Variants in CPB1 observed in about 807,000 individuals in gnomAD.
CPB1 encodes carboxypeptidase B.
Under a neutral mutation model 51.4 loss-of-function variants are expected in CPB1, and 53 were observed. The observed-to-expected ratio is 1.03, with a 90% CI of 0.83 to 1.30. The LOEUF (loss-of-function observed/expected upper bound fraction) is 1.30. CPB1 is among the 50% of genes most tolerant of loss of function. The probability of loss-of-function intolerance (pLI) is 0.00; values close to 1 mark genes in which losing one functional copy is unlikely to be tolerated. For synonymous variants in CPB1, 189 were observed against 186.9 expected (o/e 1.01, Z -0.09); for missense variants, 494 against 516.2 (o/e 0.96, Z 0.42).
chr3:148,833,323 G>C (rs1201555292), intron 2 of CPB1, among the ~76,000 whole-genome samples: 1 of 152,076 alleles, frequency 6.6e-6, no homozygotes, highest in Admixed American at 6.6e-5. Flanking sequence ...TTATGGGCCT[G>C]ATTCGTGACT....
chr3:148,841,012 G>A, intron 5 of CPB1, 37 bp downstream of exon 5: 3 of 1,527,438 alleles, frequency 2.0e-6, no homozygotes, highest in Non-Finnish European at 2.7e-6. Context: ...CATGTCTGAG[G>A]GCTTTAAATC....
At position 148,834,620 on chromosome 3, in the gene CPB1, C is replaced by A; in HGVS notation, c.270C>A (p.Tyr90Ter). The A allele has an allele frequency of 6.2e-7, 1 of 1,605,596 alleles. No homozygotes were observed. Among genetic ancestry groups the A allele is most frequent in the Non-Finnish European group, 8.5e-7 (1 of 1,173,362 alleles). Reference sequence around the variant, plus strand: ...TTCTAAAGCAGAATGAACTACAATACAAGTAAGTTTATGTTTTATAAATAT... The same window carrying A: ...TTCTAAAGCAGAATGAACTACAATAAAAGTAAGTTTATGTTTTATAAATAT... Reference protein sequence around the residue: ...ENVLKQNELQYKVLISNLRNV... With the variant: ...ENVLKQNELQ The change falls in exon 3 of 11, where the codon TAC (tyrosine) becomes TAA (stop). Residue 90 changes from tyrosine (Y) to a stop codon, truncating the protein, a stop_gained and splice_region_variant. Transcript: ENST00000282957. LOFTEE classifies it high-confidence loss of function.
chr3:148,834,743 A>C, intron 3 of CPB1, 121 bp downstream of exon 3: 1 of 880,024 alleles, frequency 1.1e-6, no homozygotes, highest in Non-Finnish European at 1.7e-6. Context: ...GGACCCCACA[A>C]ATAGGTAATG....
chr3:148,839,122 T>C (rs1712998494), intron 3 of CPB1, among the ~76,000 whole-genome samples: 1 of 152,206 alleles, frequency 6.6e-6, no homozygotes, highest in African/African-American at 2.4e-5. Context: ...ACTGTAATCA[T>C]GAGTCTTTAA....
chr3:148,829,067 C>A (rs1013773798), intron 2 of CPB1, among the ~76,000 whole-genome samples: 4 of 152,198 alleles, frequency 2.6e-5, no homozygotes, highest in African/African-American at 7.2e-5. Flanking sequence ...CCTTACAAAT[C>A]ATTCCAACTG....
chr3:148,828,222 A>G, intron 2 of CPB1, 145 bp downstream of exon 2: 2 of 660,610 alleles, frequency 3.0e-6, no homozygotes, highest in Non-Finnish European at 5.2e-6. Flanking sequence ...TTAGTGCCAT[A>G]ATGTCTTCTT....
intron 9 of CPB1, among the ~76,000 whole-genome samples, chr3:148,846,797 GTATATA>G (rs368201293): frequency 0.01 from 527 of 50,518 alleles, 26 homozygotes; most frequent in Middle Eastern, 0.013. Context: ...GTGTGCGTGT[GTATATA>G]TATATATATA....
At chr3:148,840,512 A>G (rs1355596922) in intron 3 of CPB1, among the ~76,000 whole-genome samples, 174 bp from the exon 4 acceptor site, 3 of 152,178 alleles carry the variant, frequency 2.0e-5, no homozygotes, top group African/African-American at 4.8e-5. Context: ...ATGGTCAGTA[A>G]CAGAATCTCT....
In CPB1 at chr3:148,856,318, A is replaced by G. The variant is rs1215055343; in HGVS notation, c.982-1139A>G. On this transcript the variant is annotated intron_variant, in intron 9 of 10. Transcript: ENST00000282957. ...TTTTCTAATTTACCACCTGGCTGATAAAGTATTAATGCTATAGGAATTGGA... is the reference window on the plus strand; with the variant it reads ...TTTTCTAATTTACCACCTGGCTGATGAAGTATTAATGCTATAGGAATTGGA... The G allele has an allele frequency of 2.6e-5, 4 of 152,356 alleles. No homozygotes were observed. The East Asian group carries it at 7.7e-4, about 29-fold the overall frequency. The allele number at this position is 152,356 out of a possible 1,614,324, so 9.4% of individuals were successfully genotyped here.
chr3:148,843,914 A>C (rs2108016034), intron 6 of CPB1, among the ~76,000 whole-genome samples: 1 of 152,278 alleles, frequency 6.6e-6, no homozygotes, highest in East Asian at 1.9e-4. Flanking sequence ...AGTGTTGGTG[A>C]GAGCCTCCCC....
intron 8 of CPB1, among the ~76,000 whole-genome samples, 182 bp from the exon 9 acceptor site, chr3:148,845,242 T>C (rs569067106): frequency 5.9e-5 from 9 of 152,134 alleles, no homozygotes; most frequent in Non-Finnish European, 1.0e-4. Context: ...CTTAAAAACA[T>C]ACCATCCTAA....
Position 148,828,081 on chromosome 3 carries a change from A to G in CPB1, c.147+4A>G. On this transcript the variant is annotated splice_donor_region_variant and intron_variant, in intron 2 of 10. Coordinates refer to ENST00000282957, the MANE Select transcript of CPB1 (RefSeq NM_001871.3). ...CGAGTTGGCCAGCACGACCCAGGTAAGTAACAATTTTGATTTACTTCACAT... is the reference window on the plus strand; with the variant it reads ...CGAGTTGGCCAGCACGACCCAGGTAGGTAACAATTTTGATTTACTTCACAT... The G allele has an allele frequency of 1.9e-6, 3 of 1,611,290 alleles. No individual in the cohort carries two copies. The highest frequency in any genetic ancestry group is 2.5e-6 in the Non-Finnish European group (3 of 1,178,196).
At chr3:148,841,109 G>T in intron 5 of CPB1, 134 bp downstream of exon 5, 1 of 634,890 alleles carries the variant, frequency 1.6e-6, no homozygotes. Flanking sequence ...ATCCCCGAGG[G>T]AACCAGATTC....
At chr3:148,857,805 G>A (rs1424841212) in intron 10 of CPB1, among the ~76,000 whole-genome samples, 15 of 152,014 alleles carry the variant, frequency 9.9e-5, no homozygotes, top group Non-Finnish European at 1.6e-4. Context: ...AGGCTGAAGC[G>A]GGAGAGTCAC....
intron 9 of CPB1, chr3:148,854,291 T>C (rs1183692991): frequency 6.6e-6 from 1 of 152,190 alleles, no homozygotes; most frequent in East Asian, 1.9e-4. Context: ...AGAAGATAAA[T>C]GAGTAACATT....
intron 10 of CPB1, 63 bp downstream of exon 10, chr3:148,857,604 T>C: frequency 3.2e-6 from 4 of 1,261,962 alleles, no homozygotes; most frequent in South Asian, 2.6e-5. Flanking sequence ...GAAAGGTTCC[T>C]GGGGCCTTTC....
In CPB1 at chr3:148,845,481, C is replaced by T. The variant is rs1559959697; in HGVS notation, c.836C>T (p.Ser279Phe). The T allele has an allele frequency of 6.2e-7, 1 of 1,613,958 alleles. No individual in the cohort carries two copies. The highest frequency in any genetic ancestry group is 8.5e-7 in the Non-Finnish European group (1 of 1,179,884). Residue 279 changes from serine (S) to phenylalanine (F), a missense_variant, in exon 9 of 11, where the codon TCT (serine) becomes TTT (phenylalanine). Coordinates refer to ENST00000282957, the MANE Select transcript of CPB1 (RefSeq NM_001871.3). ...ACTTACTGTGGACCTGCCGCAGAGTCTGAAAAGGAGACCAAGGCCCTGGCT... is the reference window on the plus strand; with the variant it reads ...ACTTACTGTGGACCTGCCGCAGAGTTTGAAAAGGAGACCAAGGCCCTGGCT... ...DETYCGPAAE[S>F]EKETKALADF...
At chr3:148,835,471 G>A (rs1339742730) in intron 3 of CPB1, among the ~76,000 whole-genome samples, 1 of 152,160 alleles carries the variant, frequency 6.6e-6, no homozygotes, top group Non-Finnish European at 1.5e-5. Context: ...CTTCAGCTGA[G>A]AACTGAAAGA....
intron 9 of CPB1, chr3:148,856,157 T>C (rs1713562811): frequency 6.6e-6 from 1 of 152,170 alleles, no homozygotes; most frequent in African/African-American, 2.4e-5. Flanking sequence ...AGTTTAGAAA[T>C]AGGAAAATGG....
Sources: allele counts gnomAD v4.1 joint callset (sites outside exome capture counted in the v4.1 genomes callset), GRCh38; gene constraint gnomAD v4.1.1; transcripts MANE v1.5; gene names NCBI Gene and HGNC (gene_info 2026-07-23, HGNC 2026-07-21).